Variants in COA8 observed in about 807,000 individuals in gnomAD.
COA8 encodes cytochrome c oxidase assembly factor 8, also known as UPF0671 protein C14orf153.
COA8 carries 20 observed loss-of-function variants against 22.0 expected under a neutral mutation model. That is an observed-to-expected ratio of 0.91 (90% confidence interval 0.64 to 1.32). The LOEUF is 1.32. Among genes scored for constraint, COA8 ranks in the 40% most tolerant of loss-of-function variants. The pLI is 0.00. For missense variants in COA8, 266 were observed against 230.0 expected, an observed-to-expected ratio of 1.16 and a Z score of -1.01; for synonymous variants, 105 against 79.9, an observed-to-expected ratio of 1.31 and a Z score of -1.68.
rs2076267309 is a variant in COA8, at chr14:103,581,477, C to T, written c.386-5797C>T. On this transcript the variant is annotated intron_variant, in intron 3 of 4. Coordinates refer to ENST00000409074, the MANE Select transcript of COA8 (RefSeq NM_001370595.2). This position sits in a 1 kb window ranked among gnomAD's most constrained non-coding sequence, Gnocchi z 4.1. Reference sequence around the variant, plus strand: ...GCCTCCTGGGCTGGTCGGAGTAGGACCTTGGGAGGTTTCATCACGCTACTC... The same window carrying T: ...GCCTCCTGGGCTGGTCGGAGTAGGATCTTGGGAGGTTTCATCACGCTACTC... The T allele has an allele frequency of 5.1e-6, 2 of 394,030 alleles. No homozygotes were observed. The highest frequency in any genetic ancestry group is 4.4e-5 in the Admixed American group (1 of 22,480). The allele number at this position is 394,030 out of a possible 1,614,324, so 24.4% of individuals were successfully genotyped here.
At position 103,581,274 on chromosome 14, in the gene COA8, T is replaced by G. The variant is rs2076265478; in HGVS notation, c.386-6000T>G. 6.6e-6 allele frequency among the ~76,000 whole-genome samples: 1 copy of G among 152,070 alleles called. No homozygotes were observed. On this transcript the variant is annotated intron_variant, in intron 3 of 4. Transcript: ENST00000409074. The surrounding 1 kb of genome is among the most constrained non-coding windows in gnomAD (Gnocchi z 4.1). ...GATAACTAATAAAATAGAACAAGTG[T>G]AACAATATGCCAGCATCTCTAATCT...
At chr14:103,585,773 AC>A (rs1473208660) in intron 3 of COA8, among the ~76,000 whole-genome samples, 1 of 151,676 alleles carries the variant, frequency 6.6e-6, no homozygotes, top group African/African-American at 2.4e-5. Flanking sequence ...ACGGGGTTTC[AC>A]CATGTTGGCC....
chr14:103,565,284 A>T (rs1243547823), intron 1 of COA8, among the ~76,000 whole-genome samples: 1 of 152,146 alleles, frequency 6.6e-6, no homozygotes, highest in African/African-American at 2.4e-5. Flanking sequence ...ATTGAAAAAT[A>T]TTATAGAACT....
chr14:103,570,583 A>AT (rs1426639341), intron 1 of COA8, among the ~76,000 whole-genome samples: 20 of 152,152 alleles, frequency 1.3e-4, no homozygotes, highest in African/African-American at 4.8e-4. Flanking sequence ...AAATGCAAAA[A>AT]TTAGCCGGGC....
chr14:103,569,853 TTTTG>T (rs914332810), intron 1 of COA8, among the ~76,000 whole-genome samples: 21 of 151,984 alleles, frequency 1.4e-4, no homozygotes, highest in African/African-American at 3.4e-4. Context: ...GGTTTTGGTT[TTTTG>T]TTTGTTTGTT....
intron 1 of COA8, among the ~76,000 whole-genome samples, chr14:103,563,861 G>A (rs1225446971): frequency 6.6e-6 from 1 of 152,194 alleles, no homozygotes; most frequent in Non-Finnish European, 1.5e-5. Context: ...TATTAAAAAA[G>A]TGTTAATTAA....
Position 103,581,829 on chromosome 14 carries a change from G to A in COA8, c.386-5445G>A, listed in dbSNP as rs866913900. Reference sequence around the variant, plus strand: ...ACACGTGGCTCCTGTCCTGTCTGCCGTGTGGCTAGGGGACAGCCGTGCTTG... The same window carrying A: ...ACACGTGGCTCCTGTCCTGTCTGCCATGTGGCTAGGGGACAGCCGTGCTTG... On this transcript the variant is annotated intron_variant, in intron 3 of 4. Coordinates refer to ENST00000409074, the MANE Select transcript of COA8 (RefSeq NM_001370595.2). The surrounding 1 kb of genome is among the most constrained non-coding windows in gnomAD (Gnocchi z 4.1). 2.0e-5 allele frequency among the ~76,000 whole-genome samples: 3 copies of A among 152,192 alleles called. No homozygotes were observed. Among genetic ancestry groups the A allele is most frequent in the Non-Finnish European group, 4.4e-5 (3 of 68,028 alleles).
At chr14:103,566,275 GC>G (rs2076134285) in intron 1 of COA8, among the ~76,000 whole-genome samples, 1 of 152,082 alleles carries the variant, frequency 6.6e-6, no homozygotes, top group African/African-American at 2.4e-5. Context: ...ACAAAAATTA[GC>G]CGGGCATGAT....
chr14:103,566,492 G>A (rs1422285094), intron 1 of COA8, among the ~76,000 whole-genome samples: 1 of 152,212 alleles, frequency 6.6e-6, no homozygotes, highest in African/African-American at 2.4e-5. Context: ...ATGTATTTTT[G>A]AAAACCGTGT....
intron 4 of COA8, among the ~76,000 whole-genome samples, chr14:103,588,482 T>A (rs4906339): frequency 0.52 from 65,697 of 125,298 alleles, 14,618 homozygotes; most frequent in South Asian, 0.63. Context: ...ATTAAAAAAA[T>A]ATATATATAT....
rs551782411 is a variant in COA8, at chr14:103,587,950, GC to G, written c.476+588del. Reference sequence around the variant, plus strand: ...ACCTGAGGTCAGGAGTTCAAGACCAGCCTGACCAACATGGAGAAACCCTGTC... The same window carrying G: ...ACCTGAGGTCAGGAGTTCAAGACCAGCTGACCAACATGGAGAAACCCTGTC... On this transcript the variant is annotated intron_variant, in intron 4 of 4. Coordinates refer to ENST00000409074, the MANE Select transcript of COA8 (RefSeq NM_001370595.2). The G allele has an allele frequency of 8.2e-3, 1,361 of 165,826 alleles. 23 individuals carry two copies. Among genetic ancestry groups the G allele is most frequent in the African/African-American group, 0.031 (1,313 of 41,910 alleles). 10.3% of individuals were successfully genotyped at this position (165,826 alleles called of 1,614,324 possible).
intron 2 of COA8, among the ~76,000 whole-genome samples, chr14:103,573,705 A>G (rs1299170283): frequency 1.3e-5 from 2 of 151,954 alleles, no homozygotes; most frequent in Non-Finnish European, 2.9e-5. Context: ...GGTGCCCACC[A>G]TCACATTGGG....
rs1213124755 is a variant in COA8 at position 103,587,500 on chromosome 14, CTTTTTTTCTTTTTTTTTTTTTTTTT to C, written c.476+137_476+161del. The C allele has an allele frequency of 9.6e-5, 42 of 439,190 alleles. 1 individual carries two copies. Among genetic ancestry groups the C allele is most frequent in the African/African-American group, 7.3e-4 (34 of 46,532 alleles). The allele number at this position is 439,190 out of a possible 1,614,324, so 27.2% of individuals were successfully genotyped here. On this transcript the variant is annotated intron_variant, in intron 4 of 4. Transcript: ENST00000409074. The stretch of plus-strand genomic sequence containing the variant: ...CAAGACTTTATCAACTTTTTTTTTT[CTTTTTTTCTTTTTTTTTTTTTTTTT>C]GAGACGGAGTTTCGCTCTCTCGCCC...
intron 3 of COA8, among the ~76,000 whole-genome samples, chr14:103,586,200 C>CTTTTTTTTTT (rs71126040): frequency 2.2e-5 from 2 of 92,688 alleles, no homozygotes; most frequent in Non-Finnish European, 4.2e-5. Context: ...TGCACCTGGC[C>CTTTTTTTTTT]TTTTTTTTTT....
Position 103,582,662 on chromosome 14 carries a change from C to T in COA8, c.386-4612C>T, listed in dbSNP as rs550128696. On this transcript the variant is annotated intron_variant, in intron 3 of 4. Transcript: ENST00000409074. ...GTATGGTAGACATACCTGCCTGGGT[C>T]GTAATCACTTGTGAAGAAAATGAAT... Among the ~76,000 whole-genome samples the T allele has an allele frequency of 4.6e-5, 7 of 151,034 alleles. No individual in the cohort carries two copies. In the South Asian group the frequency reaches 6.3e-4, roughly 14 times the overall value.
chr14:103,568,464 CAT>C (rs1226288471), intron 1 of COA8, among the ~76,000 whole-genome samples: 1 of 151,422 alleles, frequency 6.6e-6, no homozygotes, highest in African/African-American at 2.4e-5. Flanking sequence ...TACATACATA[CAT>C]ACACACACAC....
intron 2 of COA8, among the ~76,000 whole-genome samples, chr14:103,573,335 A>T (rs1470830782): frequency 6.6e-6 from 1 of 151,510 alleles, no homozygotes; most frequent in Non-Finnish European, 1.5e-5. Flanking sequence ...ACACCCGGCT[A>T]ATTTTTGTAT....
chr14:103,587,288 T>A lies in COA8; in HGVS notation c.400T>A (p.Leu134Met), dbSNP rs139609851. ...TTACCTTTCAGGTCAGAAAGCAACA[T>A]TGAATGCAGAAGAAATGGCGGACTT... ...LRTESGQKATLNAEEMADFYK... is the reference protein window; with the variant it reads ...LRTESGQKATMNAEEMADFYK... Residue 134 changes from leucine to methionine, a missense_variant, in exon 4 of 5, where the codon TTG becomes ATG. Physicochemically the swap from Leu to Met is conservative, Grantham distance 15. Transcript: ENST00000409074. 3.1e-6 allele frequency: 5 copies of A among 1,613,350 alleles called. No homozygotes were observed. The highest frequency in any genetic ancestry group is 3.4e-6 in the Non-Finnish European group (4 of 1,179,606).
chr14:103,582,132 A>G (rs1009804029), intron 3 of COA8, among the ~76,000 whole-genome samples: 4 of 151,896 alleles, frequency 2.6e-5, no homozygotes, highest in South Asian at 2.1e-4. Flanking sequence ...CTGGAGATGC[A>G]GGAGCCCCTG....
Sources: gnomAD v4.1 joint callset for allele counts (sites outside exome capture counted in the v4.1 genomes callset) on GRCh38, gnomAD v4.1.1 for gene constraint, Gnocchi (gnomAD v3.1) non-coding constraint, MANE v1.5 for transcripts, NCBI Gene and HGNC (gene_info 2026-07-23, HGNC 2026-07-21) for gene names.